NTM: variants seen among roughly 807,000 people sequenced by gnomAD.
NTM encodes the protein IgLON family member 2.
In NTM, 13 loss-of-function variants were observed where a neutral mutation model predicts 42.1. The ratio of observed to expected loss-of-function variants is 0.31; its 90% confidence interval spans 0.20 to 0.49. The LOEUF (loss-of-function observed/expected upper bound fraction) is 0.49, where lower values mean the gene tolerates loss of function less well. Ranked by LOEUF, NTM falls within the 20% of genes least tolerant of loss-of-function variation. NTM has a pLI of 0.99. For synonymous variants in NTM, 187 were observed against 179.2 expected, an observed-to-expected ratio of 1.04 and a Z score of -0.35; for missense variants, 373 against 452.8, an observed-to-expected ratio of 0.82 and a Z score of 1.60.
At chr11:131,494,323 T>C (rs1257053150) in intron 1 of NTM, among the ~76,000 whole-genome samples, 1 of 152,208 alleles carries the variant, frequency 6.6e-6, no homozygotes, top group Non-Finnish European at 1.5e-5. Context: ...AGGAGAGGGC[T>C]ATTTGGCATG....
At chr11:131,764,443 C>T (rs2084779845) in intron 1 of NTM, among the ~76,000 whole-genome samples, 1 of 152,028 alleles carries the variant, frequency 6.6e-6, no homozygotes, top group Admixed American at 6.6e-5. Context: ...TCCCAAGAAC[C>T]CGAGATGTGT....
At chr11:131,983,349 T>G in intron 2 of NTM, among the ~76,000 whole-genome samples, 1 of 150,004 alleles carries the variant, frequency 6.7e-6, no homozygotes, top group East Asian at 1.9e-4. Flanking sequence ...TTCACCTCTC[T>G]AAAATGGAGA....
intron 1 of NTM, among the ~76,000 whole-genome samples, chr11:131,558,231 C>T (rs895107420): frequency 2.6e-5 from 4 of 152,114 alleles, no homozygotes; most frequent in African/African-American, 9.7e-5. Flanking sequence ...GCACAGAGCC[C>T]CTGCAGCCCT....
chr11:132,104,536 G>A (rs564143312), intron 2 of NTM, among the ~76,000 whole-genome samples: 85 of 151,206 alleles, frequency 5.6e-4, no homozygotes, highest in Non-Finnish European at 1.1e-3. Flanking sequence ...AGGATTGCTT[G>A]AGCCCAGGAT....
At chr11:131,914,638 C>A (rs970300554) in intron 2 of NTM, among the ~76,000 whole-genome samples, 1 of 152,202 alleles carries the variant, frequency 6.6e-6, no homozygotes, top group African/African-American at 2.4e-5. Context: ...CTCTAACAAT[C>A]CTTGTGGAGG....
At chr11:131,453,575 AAAG>A (rs1950645119) in intron 1 of NTM, among the ~76,000 whole-genome samples, 2 of 152,274 alleles carry the variant, frequency 1.3e-5, no homozygotes, top group Middle Eastern at 6.8e-3. Flanking sequence ...CAAGCAAACA[AAAG>A]AAGAGTTTAT....
chr11:131,397,651 A>T (rs554310383), intron 1 of NTM, among the ~76,000 whole-genome samples: 1 of 152,264 alleles, frequency 6.6e-6, no homozygotes, highest in Admixed American at 6.5e-5. Flanking sequence ...TCTGATTTGG[A>T]CTAGCAACCT....
intron 1 of NTM, among the ~76,000 whole-genome samples, chr11:131,446,682 T>A (rs1187591369): frequency 6.6e-6 from 1 of 152,216 alleles, no homozygotes; most frequent in Non-Finnish European, 1.5e-5. Context: ...AGTCGTAAGT[T>A]CTTCTCTGAC....
At chr11:131,469,941 C>T (rs74585623) in intron 1 of NTM, among the ~76,000 whole-genome samples, 2,668 of 152,250 alleles carry the variant, frequency 0.018, 74 homozygotes, top group African/African-American at 0.06. Context: ...GTTTGGAAAT[C>T]CTATGAATCT....
intron 1 of NTM, among the ~76,000 whole-genome samples, chr11:131,763,742 G>A (rs1184672929): frequency 2.4e-5 from 1 of 42,070 alleles, no homozygotes; most frequent in East Asian, 9.8e-4. Flanking sequence ...TTTTGGCATT[G>A]CTTAATGATT....
intron 1 of NTM, chr11:131,909,616 C>T (rs1049557136): frequency 1.3e-5 from 2 of 152,274 alleles, no homozygotes; most frequent in Admixed American, 1.3e-4. Flanking sequence ...ATTAATGTCA[C>T]CACCACTGTG....
chr11:132,175,671 T>C lies in NTM; in HGVS notation c.400+29157T>C, dbSNP rs944204076. 1.5e-4 allele frequency among the ~76,000 whole-genome samples: 22 copies of C among 151,580 alleles called. 1 individual carries two copies. The South Asian group carries it at 2.7e-3, about 19-fold the overall frequency. On this transcript the variant is annotated intron_variant, in intron 3 of 8. Transcript: ENST00000683400. ...GGTGCAGTCTCGGCTCACTGCAAGC[T>C]CCACCTCCTGGGTTCACTTCATTCT...
At chr11:131,751,417 C>T (rs1159688547) in intron 1 of NTM, among the ~76,000 whole-genome samples, 3 of 152,000 alleles carry the variant, frequency 2.0e-5, no homozygotes, top group South Asian at 4.1e-4. Flanking sequence ...GGTGAAACCC[C>T]GTCTCCATTA....
At chr11:131,994,552 G>A (rs1339174110) in intron 2 of NTM, among the ~76,000 whole-genome samples, 1 of 152,214 alleles carries the variant, frequency 6.6e-6, no homozygotes, top group Non-Finnish European at 1.5e-5. Flanking sequence ...TCTAATGTGA[G>A]CGGGTGTGTT....
intron 1 of NTM, among the ~76,000 whole-genome samples, chr11:131,552,515 A>C (rs1453347109): frequency 6.6e-6 from 1 of 151,420 alleles, no homozygotes; most frequent in East Asian, 1.9e-4. Flanking sequence ...AAAAAAAAAA[A>C]AAAAAAATAC....
chr11:132,217,469 G>A (rs2084135822), intron 4 of NTM, among the ~76,000 whole-genome samples: 1 of 150,412 alleles, frequency 6.6e-6, no homozygotes, highest in Non-Finnish European at 1.5e-5. Flanking sequence ...CTTTCTCTCT[G>A]CCTCCTGATA....
chr11:131,563,273 T>C (rs1414594470), intron 1 of NTM, among the ~76,000 whole-genome samples: 2 of 152,230 alleles, frequency 1.3e-5, no homozygotes, highest in Admixed American at 6.5e-5. Context: ...AGGCTAATGA[T>C]TATTTCTTTT....
intron 4 of NTM, among the ~76,000 whole-genome samples, chr11:132,229,872 T>C (rs368412093): frequency 2.4e-4 from 36 of 152,232 alleles, no homozygotes; most frequent in Non-Finnish European, 4.4e-5. Context: ...ATTCACCCTC[T>C]TTTGCCCTCA....
At chr11:132,204,271 G>A (rs2081610418) in intron 3 of NTM, among the ~76,000 whole-genome samples, 1 of 152,194 alleles carries the variant, frequency 6.6e-6, no homozygotes. Flanking sequence ...GTCCTTGGGG[G>A]CAATTTAAAG....
Sources: gnomAD v4.1 joint callset for allele counts (sites outside exome capture counted in the v4.1 genomes callset) on GRCh38, gnomAD v4.1.1 for gene constraint, MANE v1.5 for transcripts, NCBI Gene and HGNC (gene_info 2026-07-23, HGNC 2026-07-21) for gene names.